Variants in COL4A3 observed in about 807,000 individuals in gnomAD.
The protein encoded by COL4A3 is collagen alpha-3(IV) chain.
In COL4A3, 135 loss-of-function variants were observed where a neutral mutation model predicts 217.4. The observed-to-expected ratio is 0.62, with a 90% CI of 0.54 to 0.72. The LOEUF (loss-of-function observed/expected upper bound fraction) is 0.72, where lower values mean the gene tolerates loss of function less well. COL4A3 is among the 30% of genes least tolerant of loss of function. The pLI is 0.00. For synonymous variants in COL4A3, 690 were observed against 736.3 expected (o/e 0.94, Z 1.02); for missense variants, 1,868 against 2,119.9 (o/e 0.88, Z 2.33).
chr2:227,258,517 T>C (rs149766126), intron 18 of COL4A3, among the ~76,000 whole-genome samples: 2 of 152,344 alleles, frequency 1.3e-5, no homozygotes, highest in East Asian at 3.9e-4. Context: ...TTCTAGAGGC[T>C]GGGAAGTCCA....
chr2:227,249,230 A>ATATATAATTTTTTTTTT, intron 9 of COL4A3, among the ~76,000 whole-genome samples: 1 of 14,690 alleles, frequency 6.8e-5, no homozygotes, highest in Admixed American at 8.2e-4. Flanking sequence ...ATATATATAT[A>ATATATAATTTTTTTTTT]TTTTTTTTTT....
At chr2:227,202,862 CATATATGTGTATATATACA>C (rs2066778825) in intron 1 of COL4A3, among the ~76,000 whole-genome samples, 1 of 17,220 alleles carries the variant, frequency 5.8e-5, no homozygotes, top group Admixed American at 7.2e-4. Flanking sequence ...TGTATATATA[CATATATGTGTATATATACA>C]TATGTGTATA....
chr2:227,284,097 T>A, intron 33 of COL4A3, 114 bp from the exon 34 acceptor site: 1 of 1,421,872 alleles, frequency 7.0e-7, no homozygotes, highest in South Asian at 1.2e-5. Context: ...TTCTCAGCAC[T>A]GTTAGCCTTT....
rs1214877887 is a variant in COL4A3 at position 227,303,018 on chromosome 2, T to C, written c.3883-20T>C. The C allele has an allele frequency of 6.3e-7, 1 of 1,584,272 alleles. No homozygotes were observed. The highest frequency in any genetic ancestry group is 8.7e-7 in the Non-Finnish European group (1 of 1,152,842). ...TTTTAAAAATTTGTTTTGGTTCTGC[T>C]CCCTTTATTTGAAATATAGGGAGCA... On this transcript the variant is annotated intron_variant, in intron 43 of 51. Coordinates refer to ENST00000396578, the MANE Select transcript of COL4A3 (RefSeq NM_000091.5).
chr2:227,165,086 T>A (rs1007051150), intron 1 of COL4A3, among the ~76,000 whole-genome samples: 1 of 152,118 alleles, frequency 6.6e-6, no homozygotes, highest in Non-Finnish European at 1.5e-5. Flanking sequence ...GGGACAGGCC[T>A]CCAGAGGTCA....
At chr2:227,245,745 A>G in intron 5 of COL4A3, 1 of 619,032 alleles carries the variant, frequency 1.6e-6, no homozygotes, top group South Asian at 1.8e-5. Flanking sequence ...TGAAATATCC[A>G]CATCTCATTT....
At position 227,302,677 on chromosome 2, in the gene COL4A3, C is replaced by CAAAAAAAAAAAAAAAAAAAA. The variant is rs56065709; in HGVS notation, c.3883-351_3883-332dup. On this transcript the variant is annotated intron_variant, in intron 43 of 51. Coordinates refer to ENST00000396578, the MANE Select transcript of COL4A3 (RefSeq NM_000091.5). The stretch of plus-strand genomic sequence containing the variant: ...GGAGGACAAAACGAGACTCTTTCTC[C>CAAAAAAAAAAAAAAAAAAAA]AAAAAAAAAAAAAAAAAAAAAAAAA... Among the ~76,000 whole-genome samples, 248 of 79,854 alleles carry CAAAAAAAAAAAAAAAAAAAA rather than the reference C, an allele frequency of 3.1e-3. 28 individuals are homozygous for CAAAAAAAAAAAAAAAAAAAA. The highest frequency in any genetic ancestry group is 4.0e-3 in the Non-Finnish European group (183 of 45,752). The allele number at this position is 79,854 out of a possible 152,430, so 52.4% of individuals were successfully genotyped here.
At chr2:227,174,770 G>C (rs1348961279) in intron 1 of COL4A3, among the ~76,000 whole-genome samples, 3 of 152,194 alleles carry the variant, frequency 2.0e-5, no homozygotes, top group Non-Finnish European at 4.4e-5. Context: ...GCCTCCCAAA[G>C]TGTTGGGATT....
intron 19 of COL4A3, among the ~76,000 whole-genome samples, chr2:227,260,853 G>A (rs2070513047): frequency 6.6e-6 from 1 of 152,218 alleles, no homozygotes. Context: ...GCTGAATTAT[G>A]TGAAAATGAT....
chr2:227,195,731 A>C (rs1313367741), intron 1 of COL4A3, among the ~76,000 whole-genome samples: 1 of 149,248 alleles, frequency 6.7e-6, no homozygotes, highest in East Asian at 2.0e-4. Context: ...AGCCTCAGGC[A>C]GGTCCTTCAG....
chr2:227,206,940 C>T (rs1211186109), intron 1 of COL4A3, among the ~76,000 whole-genome samples: 1 of 152,188 alleles, frequency 6.6e-6, no homozygotes, highest in African/African-American at 2.4e-5. Flanking sequence ...AACCCAGACC[C>T]CTAACTGCTA....
rs1034231913 is a variant in COL4A3, at chr2:227,310,825, G to C, written c.4805G>C (p.Gly1602Ala). The C allele has an allele frequency of 6.2e-7, 1 of 1,614,038 alleles. No homozygotes were observed. Among genetic ancestry groups the C allele is most frequent in the Non-Finnish European group, 8.5e-7 (1 of 1,180,022 alleles). The change falls in exon 51 of 52, where the codon GGC (glycine) becomes GCC (alanine). Residue 1602 changes from glycine (G) to alanine (A), a missense_variant. Around this residue, in one of 2 missense-constraint regions of COL4A3, gnomAD observed 1,503 missense variants for 1,786.1 expected, o/e 0.84. Coordinates refer to ENST00000396578, the MANE Select transcript of COL4A3 (RefSeq NM_000091.5). ...ACCGGGCAAGCACTGGCCTCCCCTG[G>C]CTCCTGCCTGGAAGAATTCCGAGCC... ...EGTGQALASP[G>A]SCLEEFRASP...
chr2:227,202,577 T>C (rs1183294393), intron 1 of COL4A3, among the ~76,000 whole-genome samples: 5 of 150,526 alleles, frequency 3.3e-5, no homozygotes, highest in Non-Finnish European at 7.4e-5. Context: ...ACCCCGTCTC[T>C]ACAAAAAATT....
rs2071152046 is a variant in COL4A3, at chr2:227,270,109, A to G, written c.1575+129A>G. ...GGCACTTAATAGATACCTGTTGATT[A>G]AATGAATAAATCTGTGACTGATTAA... On this transcript the variant is annotated intron_variant, in intron 24 of 51. Coordinates refer to ENST00000396578, the MANE Select transcript of COL4A3 (RefSeq NM_000091.5). 3 of 704,450 alleles carry G rather than the reference A, an allele frequency of 4.3e-6. No individual in the cohort carries two copies. In the South Asian group the frequency reaches 4.5e-5, roughly 11 times the overall value. 43.6% of individuals were successfully genotyped at this position (704,450 alleles called of 1,614,324 possible).
At chr2:227,304,383 G>A (rs4675164) in intron 46 of COL4A3, 1 of 392,120 alleles carries the variant, frequency 2.6e-6, no homozygotes, top group Non-Finnish European at 4.8e-6. Flanking sequence ...AGGGCAGCAT[G>A]TTTTTTTTAT....
At chr2:227,196,336 T>A (rs74474538) in intron 1 of COL4A3, among the ~76,000 whole-genome samples, 1 of 151,666 alleles carries the variant, frequency 6.6e-6, no homozygotes, top group East Asian at 1.9e-4. Flanking sequence ...TTTTTTTTTT[T>A]AGACAGAGTC....
intron 1 of COL4A3, among the ~76,000 whole-genome samples, chr2:227,170,235 T>C (rs948033955): frequency 6.6e-6 from 1 of 152,180 alleles, no homozygotes; most frequent in Non-Finnish European, 1.5e-5. Context: ...ACTCTTAGAT[T>C]TTTTTATGTA....
rs753710796 is a variant in COL4A3 at position 227,230,062 on chromosome 2, A to AAAAAAAG, written c.88-7902_88-7901insAAGAAAA. Among the ~76,000 whole-genome samples, 6 of 147,288 alleles carry AAAAAAAG rather than the reference A, an allele frequency of 4.1e-5. 1 individual carries two copies. Among genetic ancestry groups the AAAAAAAG allele is most frequent in the Non-Finnish European group, 6.0e-5 (4 of 66,988 alleles). On this transcript the variant is annotated intron_variant, in intron 1 of 51. Transcript: ENST00000396578. Reference sequence around the variant, plus strand: ...CAAGACTCCATCTCAAAAAAAAAAAAAAAAGAAATTTCCCAAAGCTCCAGT... The same window carrying AAAAAAAG: ...CAAGACTCCATCTCAAAAAAAAAAAAAAAAAAGAAAAGAAATTTCCCAAAGCTCCAGT...
intron 1 of COL4A3, among the ~76,000 whole-genome samples, chr2:227,234,441 T>G (rs2068579497): frequency 6.6e-6 from 1 of 152,246 alleles, no homozygotes; most frequent in South Asian, 2.1e-4. Context: ...TCATAGTTGT[T>G]CATAATTCAT....
Sources: gnomAD v4.1 joint callset for allele counts (sites outside exome capture counted in the v4.1 genomes callset) on GRCh38, gnomAD v4.1.1 for gene constraint, gnomAD v4.1.1 regional missense constraint, MANE v1.5 for transcripts, NCBI Gene and HGNC (gene_info 2026-07-23, HGNC 2026-07-21) for gene names.